The following PPP2R2C variants were observed in gnomAD, a reference collection of about 807,000 sequenced individuals.
PPP2R2C encodes protein phosphatase 2, regulatory subunit B, gamma.
PPP2R2C carries 10 observed loss-of-function variants against 45.3 expected under a neutral mutation model. The observed-to-expected ratio is 0.22, with a 90% CI of 0.14 to 0.37. The LOEUF (loss-of-function observed/expected upper bound fraction) is 0.37. PPP2R2C is among the 10% of genes least tolerant of loss of function. The pLI is 1.00. For synonymous variants in PPP2R2C, 257 were observed against 245.4 expected (o/e 1.05, Z -0.44); for missense variants, 308 against 619.7 (o/e 0.50, Z 5.34).
At position 6,329,499 on chromosome 4, in the gene PPP2R2C, C is replaced by T; in HGVS notation, c.961-146G>A. The T allele has an allele frequency of 1.4e-6, 1 of 709,522 alleles. No homozygotes were observed. Among genetic ancestry groups the T allele is most frequent in the Non-Finnish European group, 2.5e-6 (1 of 403,544 alleles). 44.0% of individuals were successfully genotyped at this position (709,522 alleles called of 1,614,324 possible). A position where few individuals can be genotyped will look rare whatever the true frequency, so the allele number is the denominator to read the frequency against. On this transcript the variant is annotated intron_variant, in intron 7 of 8. Transcript: ENST00000382599. This position sits in a 1 kb window ranked among gnomAD's most constrained non-coding sequence, Gnocchi z 5.8. Reference sequence around the variant, plus strand: ...GCTCATCTCAGCGAGGGTCTGAATGCTCTGACACAGCCCGACACAGCCCTG... The same window carrying T: ...GCTCATCTCAGCGAGGGTCTGAATGTTCTGACACAGCCCGACACAGCCCTG...
rs531961469 is a variant in PPP2R2C at position 6,329,559 on chromosome 4, G to A, written c.961-206C>T. Among the ~76,000 whole-genome samples, 53 of 151,942 alleles carry A rather than the reference G, an allele frequency of 3.5e-4. No homozygotes were observed. The highest frequency in any genetic ancestry group is 1.1e-3 in the African/African-American group (46 of 41,328). ...TCGGGAGGCCCATGACCAGGCACAC[G>A]GCTGACCCCGACCGTGACACAGCCC... On this transcript the variant is annotated intron_variant, in intron 7 of 8. Coordinates refer to ENST00000382599, the MANE Select transcript of PPP2R2C (RefSeq NM_020416.4). This position sits in a 1 kb window ranked among gnomAD's most constrained non-coding sequence, Gnocchi z 5.8.
chr4:6,528,161 G>A (rs554698907), intron 2 of PPP2R2C, among the ~76,000 whole-genome samples: 11 of 152,302 alleles, frequency 7.2e-5, no homozygotes, highest in Middle Eastern at 3.4e-3. Context: ...CTGTACCCTC[G>A]GCCTGGGAAG....
At chr4:6,382,148 A>C in intron 1 of PPP2R2C, 1 of 1,218,454 alleles carries the variant, frequency 8.2e-7, no homozygotes, top group Non-Finnish European at 1.0e-6. Flanking sequence ...ATTTCCTATA[A>C]AAATCCACAT....
chr4:6,557,063 G>A (rs1330134599), intron 1 of PPP2R2C, among the ~76,000 whole-genome samples: 1 of 152,170 alleles, frequency 6.6e-6, no homozygotes, highest in Admixed American at 6.5e-5. Context: ...AGGGGTACAA[G>A]CCTCCTTAGA....
At chr4:6,482,307 C>G (rs920937992) in intron 2 of PPP2R2C, among the ~76,000 whole-genome samples, 7 of 152,164 alleles carry the variant, frequency 4.6e-5, no homozygotes, top group Non-Finnish European at 1.0e-4. Context: ...CTCCCTTGTA[C>G]AAATGAGGAA....
chr4:6,365,995 T>G lies in PPP2R2C; in HGVS notation c.625+6528A>C, dbSNP rs182315310. ...GTTAACAGTCTCAAAATGTTGGTAT[T>G]AAAGGACGCGAGAGGTTGCTTAAAC... On this transcript the variant is annotated intron_variant, in intron 5 of 8. Coordinates refer to ENST00000382599, the MANE Select transcript of PPP2R2C (RefSeq NM_020416.4). Among the ~76,000 whole-genome samples the G allele has an allele frequency of 8.5e-4, 129 of 152,302 alleles. 1 individual carries two copies. Among genetic ancestry groups the G allele is most frequent in the African/African-American group, 3.0e-3 (125 of 41,562 alleles).
At chr4:6,507,567 G>T (rs1723281238) in intron 2 of PPP2R2C, among the ~76,000 whole-genome samples, 1 of 152,220 alleles carries the variant, frequency 6.6e-6, no homozygotes, top group African/African-American at 2.4e-5. Flanking sequence ...CTCAGCTGAG[G>T]CACCTTGGAT....
At chr4:6,482,339 G>C (rs1560578456) in intron 2 of PPP2R2C, among the ~76,000 whole-genome samples, 2 of 152,174 alleles carry the variant, frequency 1.3e-5, no homozygotes, top group Admixed American at 6.5e-5. Context: ...AAGTGATCAA[G>C]TAATTTTCCC....
At position 6,323,457 on chromosome 4, in the gene PPP2R2C, C is replaced by T; in HGVS notation, c.1189G>A (p.Gly397Ser). ...CTGATGTCATCACGCCGGCGCTTGC[C>T]CCCCACGCACACGCGCCGTGGCTTG... ...VLKPRRVCVGGKRRRDDISVD... is the reference protein window; with the variant it reads ...VLKPRRVCVGSKRRRDDISVD... The change falls in exon 9 of 9, where the codon GGC (glycine) becomes AGC (serine). Residue 397 changes from glycine to serine, a missense_variant. By Grantham distance (56) the Gly-to-Ser change is moderately conservative (BLOSUM62 0). Coordinates refer to ENST00000382599, the MANE Select transcript of PPP2R2C (RefSeq NM_020416.4). 1 of 1,613,218 alleles carries T rather than the reference C, an allele frequency of 6.2e-7. No homozygotes were observed. Among genetic ancestry groups the T allele is most frequent in the Non-Finnish European group, 8.5e-7 (1 of 1,179,236 alleles).
intron 3 of PPP2R2C, among the ~76,000 whole-genome samples, chr4:6,377,148 A>G (rs984856162): frequency 6.6e-6 from 1 of 152,228 alleles, no homozygotes; most frequent in African/African-American, 2.4e-5. Flanking sequence ...CATGTTCGGG[A>G]GAGCCTTGGA....
intron 1 of PPP2R2C, among the ~76,000 whole-genome samples, chr4:6,469,329 A>C: frequency 6.6e-6 from 1 of 152,166 alleles, no homozygotes; most frequent in East Asian, 1.9e-4. Flanking sequence ...GCCCTGAAGC[A>C]AGAAAGAAAA....
chr4:6,504,957 A>T (rs995951563), intron 2 of PPP2R2C, among the ~76,000 whole-genome samples: 25 of 152,204 alleles, frequency 1.6e-4, no homozygotes, highest in Admixed American at 1.6e-3. Context: ...GCGAATCTCA[A>T]GCAGGGAAAA....
chr4:6,383,254 A>C, intron 1 of PPP2R2C: 1 of 1,218,772 alleles, frequency 8.2e-7, no homozygotes, highest in Non-Finnish European at 1.0e-6. Context: ...ACCCCCGGCC[A>C]AGCCCAGCCT....
intron 1 of PPP2R2C, among the ~76,000 whole-genome samples, chr4:6,433,154 A>G (rs1217518834): frequency 6.6e-6 from 1 of 152,130 alleles, no homozygotes; most frequent in Non-Finnish European, 1.5e-5. Flanking sequence ...TGGGGAGTCA[A>G]AAGTTGTATG....
chr4:6,383,055 G>A, intron 1 of PPP2R2C: 1 of 1,091,238 alleles, frequency 9.2e-7, no homozygotes, highest in South Asian at 2.5e-5. Flanking sequence ...TTGATTCTGG[G>A]CTTGTCCCTG....
intron 2 of PPP2R2C, among the ~76,000 whole-genome samples, chr4:6,517,793 C>T (rs1723870051): frequency 6.6e-6 from 1 of 152,108 alleles, no homozygotes; most frequent in Admixed American, 6.5e-5. Context: ...GGTCTGGAAG[C>T]CAGGTAGACA....
At chr4:6,379,695 G>A (rs938994798) in intron 2 of PPP2R2C, among the ~76,000 whole-genome samples, 1 of 152,234 alleles carries the variant, frequency 6.6e-6, no homozygotes, top group Non-Finnish European at 1.5e-5. Flanking sequence ...TGCTGGCCGA[G>A]TGCTGTGTTT....
chr4:6,383,673 T>C, intron 1 of PPP2R2C: 1 of 559,584 alleles, frequency 1.8e-6, no homozygotes, highest in Non-Finnish European at 2.6e-6. Flanking sequence ...TGACCATCCC[T>C]GCCCCAACCT....
Position 6,345,602 on chromosome 4 carries a change from C to T in PPP2R2C, c.790+2244G>A, listed in dbSNP as rs149496752. On this transcript the variant is annotated intron_variant, in intron 6 of 8. Transcript: ENST00000382599. This position sits in a 1 kb window ranked among gnomAD's most constrained non-coding sequence, Gnocchi z 5.3. ...GGCTGGGAGGATGGGGGAGGGGCCACGTGCCAGGGAACGCAGCGCCTCTAG... is the reference window on the plus strand; with the variant it reads ...GGCTGGGAGGATGGGGGAGGGGCCATGTGCCAGGGAACGCAGCGCCTCTAG... 5.5e-4 allele frequency among the ~76,000 whole-genome samples: 83 copies of T among 152,192 alleles called. 1 individual carries two copies. Among genetic ancestry groups the T allele is most frequent in the African/African-American group, 1.8e-3 (76 of 41,516 alleles).
Sources: gnomAD v4.1 joint callset for allele counts (sites outside exome capture counted in the v4.1 genomes callset) on GRCh38, gnomAD v4.1.1 for gene constraint, Gnocchi (gnomAD v3.1) non-coding constraint, MANE v1.5 for transcripts, NCBI Gene and HGNC (gene_info 2026-07-23, HGNC 2026-07-21) for gene names.